The following SCRIB variants were observed in gnomAD, a reference collection of about 807,000 sequenced individuals.
The protein encoded by SCRIB is protein scribble homolog.
In SCRIB, 72 loss-of-function variants were observed where a neutral mutation model predicts 170.0. The observed-to-expected ratio is 0.42, with a 90% CI of 0.35 to 0.52. SCRIB has a LOEUF of 0.52. SCRIB is among the 20% of genes least tolerant of loss of function. The pLI is 0.02. For missense variants in SCRIB, 2,475 were observed against 2,338.5 expected (o/e 1.06, Z -1.20); for synonymous variants, 1,298 against 1,044.3 (o/e 1.24, Z -4.68).
chr8:143,814,207 G>A lies in SCRIB; in HGVS notation c.160-89C>T, dbSNP rs574323794. 158 of 1,109,366 alleles carry A rather than the reference G, an allele frequency of 1.4e-4. No individual in the cohort carries two copies. In the East Asian group the frequency reaches 1.7e-3, roughly 12 times the overall value. The allele number at this position is 1,109,366 out of a possible 1,614,324, so 68.7% of individuals were successfully genotyped here. A position where few individuals can be genotyped will look rare whatever the true frequency, so the allele number is the denominator to read the frequency against. ...GACACGTGAGTGTCACAAGTCAAGA[G>A]TCCCTAGGCCTCTGTCTGCTCCAGG... On this transcript the variant is annotated intron_variant, in intron 1 of 36. Transcript: ENST00000356994.
Position 143,791,098 on chromosome 8 carries a change from G to A in SCRIB, c.*65C>T. 1 of 1,358,308 alleles carries A rather than the reference G, an allele frequency of 7.4e-7. No individual in the cohort carries two copies. Among genetic ancestry groups the A allele is most frequent in the Non-Finnish European group, 9.5e-7 (1 of 1,055,738 alleles). The allele number at this position is 1,358,308 out of a possible 1,614,324, so 84.1% of individuals were successfully genotyped here. On this transcript the variant is annotated 3_prime_UTR_variant, in exon 37 of 37. Coordinates refer to ENST00000356994, the MANE Select transcript of SCRIB (RefSeq NM_182706.5). ...TGCTAACACCCAGGTTAAAAGACTT[G>A]GGGCAAGGGTGGTGCTGGAGCTGGC...
chr8:143,814,572 C>A (rs1027842031), intron 1 of SCRIB, among the ~76,000 whole-genome samples: 3 of 152,332 alleles, frequency 2.0e-5, no homozygotes, highest in Non-Finnish European at 2.9e-5. Flanking sequence ...ACGCGCGAGG[C>A]CTGCAGGTGG....
intron 29 of SCRIB, 52 bp from the exon 30 acceptor site, chr8:143,792,919 GC>G: frequency 6.7e-6 from 10 of 1,502,346 alleles, no homozygotes; most frequent in Non-Finnish European, 3.5e-6. Flanking sequence ...AGATACTGGG[GC>G]CCCCGGGCAC....
At position 143,813,628 on chromosome 8, in the gene SCRIB, G is replaced by A. The variant is rs778311550; in HGVS notation, c.446+9C>T. The A allele has an allele frequency of 2.5e-6, 4 of 1,613,044 alleles. No individual in the cohort carries two copies. Among genetic ancestry groups the A allele is most frequent in the Non-Finnish European group, 3.4e-6 (4 of 1,179,780 alleles). On this transcript the variant is annotated intron_variant, in intron 4 of 36. Transcript: ENST00000356994. Reference sequence around the variant, plus strand: ...ACCCCACCCTAGTTCCACCTGAGAAGGCACTCACTTGCCCACGTCCCCGGG... The same window carrying A: ...ACCCCACCCTAGTTCCACCTGAGAAAGCACTCACTTGCCCACGTCCCCGGG...
chr8:143,813,734 G>A lies in SCRIB; in HGVS notation c.357-8C>T, dbSNP rs997895720. The stretch of plus-strand genomic sequence containing the variant: ...GTGAAGCCATCAGGGAGCCTGGATG[G>A]GAGGAAGCAGAGGCCCTCGGATGAC... On this transcript the variant is annotated splice_polypyrimidine_tract_variant and splice_region_variant and intron_variant, in intron 3 of 36. Coordinates refer to ENST00000356994, the MANE Select transcript of SCRIB (RefSeq NM_182706.5). The A allele has an allele frequency of 1.9e-6, 3 of 1,613,374 alleles. No homozygotes were observed. The highest frequency in any genetic ancestry group is 1.7e-6 in the Non-Finnish European group (2 of 1,179,954).
intron 9 of SCRIB, 27 bp from the exon 10 acceptor site, chr8:143,811,372 C>T (rs773410476): frequency 2.5e-5 from 40 of 1,595,334 alleles, no homozygotes; most frequent in Admixed American, 6.7e-5. Context: ...GGTCAGAGGA[C>T]GCTAGGGGCT....
chr8:143,808,065 G>A (rs12114989), intron 15 of SCRIB, among the ~76,000 whole-genome samples: 2,424 of 152,302 alleles, frequency 0.016, 66 homozygotes, highest in African/African-American at 0.056. Context: ...GCCCGACAAG[G>A]CAGAAAAGAG....
intron 24 of SCRIB, among the ~76,000 whole-genome samples, chr8:143,802,994 G>A (rs561883356): frequency 5.3e-5 from 8 of 152,350 alleles, no homozygotes; most frequent in East Asian, 1.9e-4. Flanking sequence ...ATCCCAAGGC[G>A]TCTGCCTGGC....
intron 8 of SCRIB, among the ~76,000 whole-genome samples, 168 bp downstream of exon 8, chr8:143,812,649 T>C (rs888428652): frequency 6.6e-6 from 1 of 152,068 alleles, no homozygotes; most frequent in Non-Finnish European, 1.5e-5. Context: ...TCCTCAGCCT[T>C]CTGGGCTGCC....
chr8:143,811,413 T>C (rs879293199), intron 9 of SCRIB, 68 bp from the exon 10 acceptor site: 158 of 1,437,172 alleles, frequency 1.1e-4, no homozygotes, highest in Non-Finnish European at 1.4e-4. Flanking sequence ...TGACAGCCCC[T>C]GGCAGGAGGG....
rs1432119423 is a variant in SCRIB at position 143,803,568 on chromosome 8, T to C, written c.3418A>G (p.Ser1140Gly). The change falls in exon 24 of 37, where the codon AGC becomes GGC. Residue 1140 changes from serine (S) to glycine (G), a missense_variant. Around this residue, in one of 3 missense-constraint regions of SCRIB, gnomAD observed 1,966 missense variants for 1,742.9 expected, o/e 1.13. Coordinates refer to ENST00000356994, the MANE Select transcript of SCRIB (RefSeq NM_182706.5). ...TDEGIFISKV[S>G]PTGAAGRDGR... ...TCGCGCCCGGCTGCCCCCGTGGGGCTCACCTGTGGGGAGACGTGGTATGGG... is the reference window on the plus strand; with the variant it reads ...TCGCGCCCGGCTGCCCCCGTGGGGCCCACCTGTGGGGAGACGTGGTATGGG... 14 of 1,408,442 alleles carry C rather than the reference T, an allele frequency of 9.9e-6. No individual in the cohort carries two copies. Among genetic ancestry groups the C allele is most frequent in the Non-Finnish European group, 1.2e-5 (13 of 1,059,420 alleles). The allele number at this position is 1,408,442 out of a possible 1,614,324, so 87.2% of individuals were successfully genotyped here. A position where few individuals can be genotyped will look rare whatever the true frequency, so the allele number is the denominator to read the frequency against.
chr8:143,804,886 C>T (rs1415850013), intron 20 of SCRIB, 48 bp downstream of exon 20: 18 of 212,256 alleles, frequency 8.5e-5, no homozygotes, highest in East Asian at 6.5e-4. Flanking sequence ...GGGCGCGGGG[C>T]GGGGCAGGGG....
chr8:143,797,434 A>G (rs1814989327), intron 24 of SCRIB, among the ~76,000 whole-genome samples: 1 of 152,168 alleles, frequency 6.6e-6, no homozygotes, highest in African/African-American at 2.4e-5. Flanking sequence ...GTCGCCAACC[A>G]CCTCGGGGCC....
chr8:143,810,145 A>C (rs1018068910), intron 13 of SCRIB, among the ~76,000 whole-genome samples: 2 of 151,954 alleles, frequency 1.3e-5, no homozygotes, highest in African/African-American at 4.8e-5. Flanking sequence ...TCCCAGTCCC[A>C]AACCCCTTCC....
Position 143,803,549 on chromosome 8 carries a change from C to G in SCRIB, c.3437G>C (p.Gly1146Ala). The change falls in exon 24 of 37, where the codon GGG (glycine) becomes GCG (alanine). Residue 1146 changes from glycine (G) to alanine (A), a missense_variant. This residue lies in a region of SCRIB where 1,966 missense variants were observed against 1,742.9 expected (regional missense o/e 1.13). Coordinates refer to ENST00000356994, the MANE Select transcript of SCRIB (RefSeq NM_182706.5). ...ACCCACACGCAGCCGACCGTCGCGC[C>G]CGGCTGCCCCCGTGGGGCTCACCTG... is the stretch of plus-strand genomic sequence containing the variant. ...ISKVSPTGAA[G>A]RDGRLRVGLR... is the part of the protein sequence containing the mutation. 6.2e-7 allele frequency: 1 copy of G among 1,600,500 alleles called. No individual in the cohort carries two copies. The highest frequency in any genetic ancestry group is 8.5e-7 in the Non-Finnish European group (1 of 1,177,256).
At position 143,792,001 on chromosome 8, in the gene SCRIB, G is replaced by A. The variant is rs1554632857; in HGVS notation, c.4647C>T (p.Thr1549=). 5.9e-6 allele frequency: 9 copies of A among 1,525,360 alleles called. No individual in the cohort carries two copies. The highest frequency in any genetic ancestry group is 7.0e-6 in the Non-Finnish European group (8 of 1,137,956). The allele number at this position is 1,525,360 out of a possible 1,614,324, so 94.5% of individuals were successfully genotyped here. Reference sequence around the variant, plus strand: ...CCCTGACCCACAGACCTTCCACAGGGGTGGGCGACGGGGTGGGCGCAGGGG... The same window carrying A: ...CCCTGACCCACAGACCTTCCACAGGAGTGGGCGACGGGGTGGGCGCAGGGG... ...APSPAPTPSP[T]PVEDLGPQTS... The change falls in exon 33 of 37, where the codon ACC becomes ACT. Residue 1549 remains threonine (T), a synonymous_variant. Coordinates refer to ENST00000356994, the MANE Select transcript of SCRIB (RefSeq NM_182706.5).
chr8:143,813,746 G>C lies in SCRIB; in HGVS notation c.357-20C>G. 1 of 1,612,972 alleles carries C rather than the reference G, an allele frequency of 6.2e-7. No homozygotes were observed. Among genetic ancestry groups the C allele is most frequent in the Non-Finnish European group, 8.5e-7 (1 of 1,179,710 alleles). On this transcript the variant is annotated intron_variant, in intron 3 of 36. Transcript: ENST00000356994. Reference sequence around the variant, plus strand: ...GGGAGCCTGGATGGGAGGAAGCAGAGGCCCTCGGATGACCAGTCCAGGGCT... The same window carrying C: ...GGGAGCCTGGATGGGAGGAAGCAGACGCCCTCGGATGACCAGTCCAGGGCT...
At chr8:143,794,893 G>A (rs1814872676) in intron 27 of SCRIB, 145 bp downstream of exon 27, 2 of 690,658 alleles carry the variant, frequency 2.9e-6, no homozygotes, top group South Asian at 3.6e-5. Flanking sequence ...CCAGGCTGGG[G>A]TAGCCTGCAG....
chr8:143,810,797 C>G lies in SCRIB; in HGVS notation c.1293G>C (p.Gly431=), dbSNP rs1186978225. The G allele has an allele frequency of 6.2e-7, 1 of 1,602,242 alleles. No individual in the cohort carries two copies. The highest frequency in any genetic ancestry group is 2.2e-5 in the East Asian group (1 of 44,758). ...CATCGCTCCAGGTCTCCGAGAGGCT[C>G]CCCTGCTGCCCAGCATCCTCTGCAG... The part of the protein sequence containing the change: ...PPSLEDAGQQ[G]SLSETWSDAP... Residue 431 remains glycine, a synonymous_variant, in exon 12 of 37, where the codon GGG becomes GGC. Transcript: ENST00000356994.
Sources: gnomAD v4.1 joint callset for allele counts (sites outside exome capture counted in the v4.1 genomes callset) on GRCh38, gnomAD v4.1.1 for gene constraint, gnomAD v4.1.1 regional missense constraint, MANE v1.5 for transcripts, NCBI Gene and HGNC (gene_info 2026-07-23, HGNC 2026-07-21) for gene names.